HSF4: variants seen among roughly 807,000 people sequenced by gnomAD.
HSF4 encodes the protein heat shock transcription factor 4, also known as heat shock factor protein 4.
HSF4 carries 41 observed loss-of-function variants against 52.0 expected under a neutral mutation model. The observed-to-expected ratio is 0.79, with a 90% CI of 0.61 to 1.02. The LOEUF is 1.02. Among genes scored for constraint, HSF4 ranks in the 50% least tolerant of loss-of-function variants. The probability of loss-of-function intolerance (pLI) is 0.00; values close to 1 mark genes in which losing one functional copy is unlikely to be tolerated. For synonymous variants in HSF4, 285 were observed against 273.0 expected (o/e 1.04, Z -0.43); for missense variants, 610 against 651.1 (o/e 0.94, Z 0.69).
chr16:67,167,273 A>C, intron 7 of HSF4, 51 bp downstream of exon 7: 1 of 1,612,870 alleles, frequency 6.2e-7, no homozygotes, highest in Non-Finnish European at 8.5e-7. Context: ...GCTTATGGAG[A>C]GCCTGTTCCT....
At chr16:67,164,570 TCCACCCCACC>T (rs1180583323), upstream of HSF4, 3 of 186,878 alleles carry the variant, frequency 1.6e-5, no homozygotes, top group Non-Finnish European at 3.4e-5. Context: ...CCCACCCCAC[TCCACCCCACC>T]CCACCCCTCC....
In HSF4 at chr16:67,165,966, C is replaced by T; in HGVS notation, c.381C>T (p.Asp127=). The T allele has an allele frequency of 6.4e-7, 1 of 1,563,378 alleles. No individual in the cohort carries two copies. Among genetic ancestry groups the T allele is most frequent in the African/African-American group, 1.4e-5 (1 of 74,056 alleles). The change falls in exon 4 of 13, where the codon GAC becomes GAT. Residue 127 remains aspartate, a synonymous_variant. Transcript: ENST00000521374. The surrounding 1 kb of genome is among the most constrained non-coding windows in gnomAD (Gnocchi z 6.9). Reference sequence around the variant, plus strand: ...TGCAGGTGCCCGCGCTGCGCGGCGACGACGGCCGCTGGCGCCCGGAGGACC... The same window carrying T: ...TGCAGGTGCCCGCGCTGCGCGGCGATGACGGCCGCTGGCGCCCGGAGGACC... ...VRRKVPALRG[D]DGRWRPEDLG...
intron 9 of HSF4, 35 bp downstream of exon 9, chr16:67,167,982 G>A (rs2145924663): frequency 3.3e-6 from 5 of 1,496,302 alleles, no homozygotes; most frequent in African/African-American, 2.7e-5. Context: ...TGAGCCCTGT[G>A]ATAGAACAGC....
chr16:67,166,453 G>A, intron 5 of HSF4, 58 bp downstream of exon 5: 15 of 1,588,768 alleles, frequency 9.4e-6, no homozygotes, highest in Non-Finnish European at 1.2e-5. Context: ...CCATTCCACC[G>A]CCCAGTCCCC....
chr16:67,167,590 AT>A lies in HSF4; in HGVS notation c.846del (p.Asp282GlufsTer37). ...GGGACCAGGCTTTCTCCCTCCAGTG[AT>A]GGCAGGAGGTAAGGGGGACAGGGCT... ...PEGTRLSPSSDGRREKGLALL... is the reference protein window; with the variant it reads ...PEGTRLSPSSXGRREKGLALL... On this transcript the variant is annotated frameshift_variant, in exon 8 of 13. Coordinates refer to ENST00000521374, the MANE Select transcript of HSF4 (RefSeq NM_001374675.1). LOFTEE classifies it high-confidence loss of function. 6.2e-7 allele frequency: 1 copy of A among 1,613,418 alleles called. No homozygotes were observed. Among genetic ancestry groups the A allele is most frequent in the South Asian group, 1.1e-5 (1 of 91,082 alleles).
At position 67,165,784 on chromosome 16, in the gene HSF4, G is replaced by A. The variant is rs764362583; in HGVS notation, c.298G>A (p.Glu100Lys). 3 of 1,610,014 alleles carry A rather than the reference G, an allele frequency of 1.9e-6. No individual in the cohort carries two copies. Among genetic ancestry groups the A allele is most frequent in the South Asian group, 1.1e-5 (1 of 91,050 alleles). ...GLLRPERDHV[E>K]FQHPSFVRGR... Reference sequence around the variant, plus strand: ...GCTTAGGCCGGAGCGCGACCACGTCGAGTTCCAGCACCCGAGCTTCGTGCG... The same window carrying A: ...GCTTAGGCCGGAGCGCGACCACGTCAAGTTCCAGCACCCGAGCTTCGTGCG... The change falls in exon 3 of 13, where the codon GAG becomes AAG. Residue 100 changes from glutamate to lysine, a missense_variant. By Grantham distance (56) the Glu-to-Lys change is moderately conservative (BLOSUM62 1). Transcript: ENST00000521374. The surrounding 1 kb of genome is among the most constrained non-coding windows in gnomAD (Gnocchi z 6.9).
chr16:67,165,373 C>T lies in HSF4; in HGVS notation c.124-149C>T. On this transcript the variant is annotated intron_variant, in intron 1 of 12. Transcript: ENST00000521374. This position sits in a 1 kb window ranked among gnomAD's most constrained non-coding sequence, Gnocchi z 6.9. ...GGCCTCGGAGCCCGTTCTGGCCTGGCCTCGACCCATATCCCCGTAAGCGGC... is the reference window on the plus strand; with the variant it reads ...GGCCTCGGAGCCCGTTCTGGCCTGGTCTCGACCCATATCCCCGTAAGCGGC... 2 of 751,510 alleles carry T rather than the reference C, an allele frequency of 2.7e-6. No homozygotes were observed. The highest frequency in any genetic ancestry group is 2.2e-5 in the Admixed American group (1 of 44,802). 46.6% of individuals were successfully genotyped at this position (751,510 alleles called of 1,614,324 possible).
At chr16:67,164,448 C>T (rs2031086732), upstream of HSF4, 3 of 503,926 alleles carry the variant, frequency 6.0e-6, no homozygotes, top group South Asian at 1.5e-5. Flanking sequence ...TAGGACTTGC[C>T]CAGCCCACAC....
At chr16:67,169,000 C>T in intron 10 of HSF4, 36 bp from the exon 11 acceptor site, 2 of 1,613,754 alleles carry the variant, frequency 1.2e-6, no homozygotes, top group Non-Finnish European at 1.7e-6. Flanking sequence ...TCTGTGGAGC[C>T]TGGGGAGGGC....
At chr16:67,164,586 CCTCCA>C (rs748286546), upstream of HSF4, 142 of 522,070 alleles carry the variant, frequency 2.7e-4, no homozygotes, top group African/African-American at 1.1e-3. Context: ...CCACCCCACC[CCTCCA>C]CTCCACTCCA....
At position 67,166,074 on chromosome 16, in the gene HSF4, C is replaced by A; in HGVS notation, c.485+4C>A. On this transcript the variant is annotated splice_donor_region_variant and intron_variant, in intron 4 of 12. Transcript: ENST00000521374. ...CGCGGCTGCGGGAGCTCAGGCAGTG[C>A]GGGGGCGGGCGGGGAAAGAGGGGAC... 6.9e-6 allele frequency: 2 copies of A among 290,006 alleles called. No individual in the cohort carries two copies. The highest frequency in any genetic ancestry group is 1.1e-5 in the Non-Finnish European group (2 of 182,892). The allele number at this position is 290,006 out of a possible 1,614,324, so 18.0% of individuals were successfully genotyped here.
chr16:67,163,930 C>A, upstream of HSF4: 1 of 1,478,258 alleles, frequency 6.8e-7, no homozygotes, highest in Admixed American at 2.0e-5. Flanking sequence ...GATTGTTGCC[C>A]CCCGGGTCTT....
intron 6 of HSF4, among the ~76,000 whole-genome samples, 174 bp from the exon 7 acceptor site, chr16:67,166,946 C>T (rs1465930622): frequency 6.6e-6 from 1 of 152,166 alleles, no homozygotes; most frequent in East Asian, 1.9e-4. Context: ...CACAAAGGGC[C>T]CCCATCTCTA....
At position 67,166,027 on chromosome 16, in the gene HSF4, G is replaced by C; in HGVS notation, c.442G>C (p.Gly148Arg). The change falls in exon 4 of 13, where the codon GGA (glycine) becomes CGA (arginine). Residue 148 changes from glycine (G) to arginine (R), a missense_variant. Physicochemically the swap from Gly to Arg is moderately radical, Grantham distance 125. Transcript: ENST00000521374. ...ACTGGGCGAGGTGCAGGCTTTGCGG[G>C]GAGTGCAGGAGAGCACCGAGGCGCG... ...RLLGEVQALR[G>R]VQESTEARLR... The C allele has an allele frequency of 6.5e-7, 1 of 1,535,146 alleles. No homozygotes were observed. Among genetic ancestry groups the C allele is most frequent in the South Asian group, 1.2e-5 (1 of 84,126 alleles).
upstream of HSF4, chr16:67,164,139 T>C (rs1470372882): frequency 1.6e-6 from 1 of 643,936 alleles, no homozygotes; most frequent in Admixed American, 2.2e-5. Context: ...GGGCCGGGCC[T>C]CAAGGGTGAG....
In HSF4 at chr16:67,167,894, G is replaced by T; in HGVS notation, c.1029G>T (p.Gly343=). 1.9e-6 allele frequency: 3 copies of T among 1,604,792 alleles called. No individual in the cohort carries two copies. Among genetic ancestry groups the T allele is most frequent in the Non-Finnish European group, 8.5e-7 (1 of 1,177,820 alleles). Residue 343 remains glycine (G), a synonymous_variant, in exon 9 of 13, where the codon GGG becomes GGT. Transcript: ENST00000521374. ...GGAAAGGGAGCTTCAGCCCCGAGGGGCCCAGGAATGCCCAACAGCCTGAAC... is the reference window on the plus strand; with the variant it reads ...GGAAAGGGAGCTTCAGCCCCGAGGGTCCCAGGAATGCCCAACAGCCTGAAC... ...LEGKGSFSPE[G]PRNAQQPEPG...
upstream of HSF4, chr16:67,164,403 C>A: frequency 2.3e-6 from 1 of 442,072 alleles, no homozygotes; most frequent in Admixed American, 2.5e-5. Flanking sequence ...GCTTGCCCTG[C>A]CTGGGGCTTC....
chr16:67,164,947 GC>G lies in HSF4; in HGVS notation c.123+17del, dbSNP rs1293767832. ...CCGCTGGAGCCCGGTGAGGGCCGGGGCCCCTCGATTCCCCCTGTGGTCCCGG... is the reference window on the plus strand; with the variant it reads ...CCGCTGGAGCCCGGTGAGGGCCGGGGCCCTCGATTCCCCCTGTGGTCCCGG... On this transcript the variant is annotated intron_variant, in intron 1 of 12. Coordinates refer to ENST00000521374, the MANE Select transcript of HSF4 (RefSeq NM_001374675.1). 3.1e-6 allele frequency: 5 copies of G among 1,594,666 alleles called. No individual in the cohort carries two copies. Among genetic ancestry groups the G allele is most frequent in the Non-Finnish European group, 4.3e-6 (5 of 1,174,138 alleles).
chr16:67,168,746 G>A (rs1009512066), intron 9 of HSF4, 85 bp from the exon 10 acceptor site: 2 of 978,770 alleles, frequency 2.0e-6, no homozygotes, highest in Non-Finnish European at 3.3e-6. Context: ...AAAGATTGGG[G>A]GATTAAAATC....
Sources: gnomAD v4.1 joint callset for allele counts (sites outside exome capture counted in the v4.1 genomes callset) on GRCh38, gnomAD v4.1.1 for gene constraint, Gnocchi (gnomAD v3.1) non-coding constraint, MANE v1.5 for transcripts, NCBI Gene and HGNC (gene_info 2026-07-23, HGNC 2026-07-21) for gene names.